Variants in TASP1 observed in about 807,000 individuals in gnomAD.
The protein encoded by TASP1 is taspase 1.
Under a neutral mutation model 56.6 loss-of-function variants are expected in TASP1, and 16 were observed. That is an observed-to-expected ratio of 0.28 (90% CI 0.19 to 0.43). The LOEUF (loss-of-function observed/expected upper bound fraction) is 0.43. TASP1 is among the 20% of genes least tolerant of loss of function. The probability of loss-of-function intolerance (pLI) is 1.00; values close to 1 mark genes in which losing one functional copy is unlikely to be tolerated. For missense variants in TASP1, 393 were observed against 511.6 expected (o/e 0.77, Z 2.24); for synonymous variants, 179 against 184.2 (o/e 0.97, Z 0.23).
chr20:13,393,270 T>C, intron 13 of TASP1: 2 of 743,724 alleles, frequency 2.7e-6, no homozygotes, highest in Non-Finnish European at 5.0e-6. Context: ...GCATGAGGGC[T>C]GTGTGGCTCT....
chr20:13,310,909 A>C, the TASP1 span, among the ~76,000 whole-genome samples: 1 of 152,326 alleles, frequency 6.6e-6, no homozygotes, highest in African/African-American at 2.4e-5. Flanking sequence ...AAAAATATAA[A>C]GAGGCCAGGC....
the TASP1 span, among the ~76,000 whole-genome samples, chr20:13,215,543 T>A: frequency 6.6e-6 from 1 of 152,220 alleles, no homozygotes; most frequent in African/African-American, 2.4e-5. Context: ...CAGGTCATTA[T>A]GTTTTAATAT....
chr20:13,491,474 G>A (rs1035467178), intron 10 of TASP1, among the ~76,000 whole-genome samples: 3 of 152,112 alleles, frequency 2.0e-5, no homozygotes, highest in African/African-American at 7.2e-5. Context: ...TTGAGTACAC[G>A]AGTTGATCAG....
the TASP1 span, among the ~76,000 whole-genome samples, chr20:13,280,093 T>C: frequency 6.6e-6 from 1 of 152,152 alleles, no homozygotes; most frequent in African/African-American, 2.4e-5. Flanking sequence ...AGACTATAAT[T>C]TTAAATCAAA....
At chr20:13,414,976 G>T (rs1460997358) in intron 13 of TASP1, among the ~76,000 whole-genome samples, 1 of 152,122 alleles carries the variant, frequency 6.6e-6, no homozygotes, top group Non-Finnish European at 1.5e-5. Flanking sequence ...AACACAACTA[G>T]CTCATATATG....
intron 10 of TASP1, among the ~76,000 whole-genome samples, chr20:13,498,095 T>A (rs1665682588): frequency 6.6e-6 from 1 of 151,766 alleles, no homozygotes; most frequent in Non-Finnish European, 1.5e-5. Flanking sequence ...GCAACTGCAA[T>A]AAAAACAAAA....
At chr20:13,531,435 C>G (rs2045212770) in intron 9 of TASP1, among the ~76,000 whole-genome samples, 2 of 151,266 alleles carry the variant, frequency 1.3e-5, no homozygotes, top group African/African-American at 2.4e-5. Context: ...CAAATTATTA[C>G]AGTAAGCTAA....
the TASP1 span, among the ~76,000 whole-genome samples, chr20:13,233,946 C>G: frequency 6.6e-6 from 1 of 152,164 alleles, no homozygotes; most frequent in East Asian, 1.9e-4. Flanking sequence ...CCCAGAACTA[C>G]TGAATCAGAA....
intron 10 of TASP1, among the ~76,000 whole-genome samples, chr20:13,517,900 T>C (rs3789343): frequency 0.2 from 30,379 of 152,014 alleles, 3,287 homozygotes; most frequent in Middle Eastern, 0.28. Flanking sequence ...AGATAATTAC[T>C]TCAGTTCTTA....
At chr20:13,131,515 T>G in the TASP1 span, among the ~76,000 whole-genome samples, 1 of 152,250 alleles carries the variant, frequency 6.6e-6, no homozygotes, top group Non-Finnish European at 1.5e-5. Context: ...TCAACACATC[T>G]GCTTTATTCC....
At chr20:13,229,332 T>C in the TASP1 span, among the ~76,000 whole-genome samples, 2 of 152,194 alleles carry the variant, frequency 1.3e-5, no homozygotes, top group Admixed American at 6.5e-5. Flanking sequence ...TTGTAGGCAA[T>C]TTGCTCCTTC....
the TASP1 span, among the ~76,000 whole-genome samples, chr20:13,190,069 A>T: frequency 6.6e-6 from 1 of 152,222 alleles, no homozygotes; most frequent in Non-Finnish European, 1.5e-5. Context: ...CAAATACTGC[A>T]CATTCTCACT....
intron 4 of TASP1, among the ~76,000 whole-genome samples, chr20:13,611,176 C>T (rs1193836232): frequency 6.6e-6 from 1 of 152,174 alleles, no homozygotes; most frequent in Non-Finnish European, 1.5e-5. Context: ...AGATGTAATG[C>T]AATCAAGATA....
the TASP1 span, among the ~76,000 whole-genome samples, chr20:13,180,495 C>A: frequency 1.3e-5 from 2 of 152,188 alleles, no homozygotes; most frequent in African/African-American, 4.8e-5. Flanking sequence ...CTTCTGCTTT[C>A]CCTTCCCTTC....
chr20:13,221,231 C>A, the TASP1 span, among the ~76,000 whole-genome samples: 4 of 87,236 alleles, frequency 4.6e-5, no homozygotes, highest in Non-Finnish European at 8.3e-5. Context: ...TCCTCCTCCT[C>A]CTCCTCCTCC....
At chr20:13,534,272 A>C in intron 8 of TASP1, 131 bp from the exon 9 acceptor site, 1 of 1,095,178 alleles carries the variant, frequency 9.1e-7, no homozygotes, top group Non-Finnish European at 1.2e-6. Flanking sequence ...ACATTGAGCA[A>C]TCTCCTAAAA....
chr20:13,575,919 T>TA (rs1236453648), intron 6 of TASP1, among the ~76,000 whole-genome samples: 12 of 151,864 alleles, frequency 7.9e-5, no homozygotes, highest in Non-Finnish European at 1.6e-4. Flanking sequence ...AATATTTATG[T>TA]AAAAAATCTT....
chr20:13,335,296 C>T, the TASP1 span, among the ~76,000 whole-genome samples: 4 of 151,450 alleles, frequency 2.6e-5, no homozygotes, highest in Non-Finnish European at 5.9e-5. Flanking sequence ...CTTCCCTATG[C>T]TCCTTCCAGA....
At chr20:13,417,662 C>A in intron 12 of TASP1, 141 bp from the exon 13 acceptor site, 1 of 844,650 alleles carries the variant, frequency 1.2e-6, no homozygotes, top group South Asian at 2.0e-5. Context: ...TCATAAATGT[C>A]AAGATGATTT....
Sources: allele counts gnomAD v4.1 joint callset (sites outside exome capture counted in the v4.1 genomes callset), GRCh38; gene constraint gnomAD v4.1.1; transcripts MANE v1.5; gene names NCBI Gene and HGNC (gene_info 2026-07-23, HGNC 2026-07-21).